The following NXF1 variants were observed in gnomAD, a reference collection of about 807,000 sequenced individuals.
The protein encoded by NXF1 is mRNA export factor TAP.
Under a neutral mutation model 92.4 loss-of-function variants are expected in NXF1, and 43 were observed. The ratio of observed to expected loss-of-function variants is 0.47; its 90% CI spans 0.36 to 0.60. The LOEUF (loss-of-function observed/expected upper bound fraction) is 0.60. Ranked by LOEUF, NXF1 falls within the 20% of genes least tolerant of loss-of-function variation. The probability of loss-of-function intolerance (pLI) is 0.00; values close to 1 mark genes in which losing one functional copy is unlikely to be tolerated. For missense variants in NXF1, 576 were observed against 793.0 expected, an observed-to-expected ratio of 0.73 and a Z score of 3.29; for synonymous variants, 288 against 292.2, an observed-to-expected ratio of 0.99 and a Z score of 0.15.
At chr11:62,793,471 G>A (rs2084388083) in intron 19 of NXF1, among the ~76,000 whole-genome samples, 2 of 152,130 alleles carry the variant, frequency 1.3e-5, no homozygotes, top group African/African-American at 4.8e-5. Context: ...CAGCACTTTG[G>A]GAGGCCTAGG....
At chr11:62,797,449 C>G in intron 11 of NXF1, 63 bp from the exon 12 acceptor site, 1 of 1,472,410 alleles carries the variant, frequency 6.8e-7, no homozygotes, top group Non-Finnish European at 9.3e-7. Flanking sequence ...CCTGTGATCC[C>G]AGAACTTTGG....
chr11:62,792,505 C>T lies in NXF1; in HGVS notation c.1831G>A (p.Glu611Lys), dbSNP rs531151039. 3 of 1,614,234 alleles carry T rather than the reference C, an allele frequency of 1.9e-6. No homozygotes were observed. The highest frequency in any genetic ancestry group is 1.1e-5 in the South Asian group (1 of 91,086). ...QAFTHLKAKG[E>K]IPEVAFMK ...TTCATGAATGCCACTTCTGGGATCT[C>T]GCCCTTGGCCTGGAGAAAAATGAAG... The change falls in exon 21 of 21, where the codon GAG (glutamate) becomes AAG (lysine). Residue 611 changes from glutamate to lysine, a missense_variant. This residue lies in a region of NXF1 where 425 missense variants were observed against 635.2 expected (regional missense o/e 0.67). Coordinates refer to ENST00000294172, the MANE Select transcript of NXF1 (RefSeq NM_006362.5).
chr11:62,798,367 G>A (rs1320698478), intron 11 of NXF1, among the ~76,000 whole-genome samples, 172 bp downstream of exon 11: 1 of 151,796 alleles, frequency 6.6e-6, no homozygotes, highest in Non-Finnish European at 1.5e-5. Context: ...CTGGGAGGCA[G>A]AGGTTGCGGT....
At chr11:62,800,594 T>C (rs550766594) in intron 9 of NXF1, 108 bp from the exon 10 acceptor site, 166 of 683,006 alleles carry the variant, frequency 2.4e-4, no homozygotes, top group African/African-American at 2.1e-3. Flanking sequence ...TCTAATCTTT[T>C]AAAATTTTTT....
chr11:62,798,474 C>G, intron 11 of NXF1, 65 bp downstream of exon 11: 2 of 1,562,200 alleles, frequency 1.3e-6, no homozygotes, highest in Non-Finnish European at 1.7e-6. Flanking sequence ...AAAAAGAAAC[C>G]TATCCAGGAA....
intron 11 of NXF1, 129 bp downstream of exon 11, chr11:62,798,410 G>A: frequency 7.3e-7 from 1 of 1,364,648 alleles, no homozygotes; most frequent in Non-Finnish European, 9.7e-7. Context: ...CTCCAGCCTG[G>A]GCGACGAGTG....
At chr11:62,793,240 C>T (rs986302201) in intron 19 of NXF1, among the ~76,000 whole-genome samples, 14 of 152,242 alleles carry the variant, frequency 9.2e-5, no homozygotes, top group South Asian at 4.1e-4. Flanking sequence ...CGCCAAGCCC[C>T]GCTAATTTTT....
chr11:62,798,897 A>G, intron 10 of NXF1: 1 of 1,137,996 alleles, frequency 8.8e-7, no homozygotes, highest in South Asian at 3.1e-5. Context: ...TCACCTGTGC[A>G]GCCCCGGGAG....
intron 9 of NXF1, among the ~76,000 whole-genome samples, chr11:62,800,725 C>T (rs1033539607): frequency 1.3e-5 from 2 of 151,862 alleles, no homozygotes; most frequent in Non-Finnish European, 1.5e-5. Flanking sequence ...ACCTCAGACT[C>T]CTGGGTAGCT....
At chr11:62,798,898 GC>G (rs1432756230) in intron 10 of NXF1, 3 of 1,135,270 alleles carry the variant, frequency 2.6e-6, no homozygotes, top group Admixed American at 9.0e-5. Context: ...CACCTGTGCA[GC>G]CCCGGGAGGA....
intron 3 of NXF1, 125 bp downstream of exon 3, chr11:62,803,293 GT>G: frequency 1.3e-6 from 1 of 764,846 alleles, no homozygotes; most frequent in South Asian, 2.1e-5. Context: ...TCCAGCCTGG[GT>G]GACAGAGCAA....
Position 62,800,381 on chromosome 11 carries a change from T to C in NXF1, c.1012A>G (p.Ile338Val). The C allele has an allele frequency of 6.2e-7, 1 of 1,614,070 alleles. No homozygotes were observed. The highest frequency in any genetic ancestry group is 8.5e-7 in the Non-Finnish European group (1 of 1,179,970). Residue 338 changes from isoleucine (I) to valine (V), a missense_variant, in exon 10 of 21, where the codon ATC (isoleucine) becomes GTC (valine). Physicochemically the swap from Ile to Val is conservative, Grantham distance 29. This residue lies in a region of NXF1 where 425 missense variants were observed against 635.2 expected (regional missense o/e 0.67). Transcript: ENST00000294172. ...GAGACACAGGCTACAACTGACCTGA[T>C]GTAGGTGGACTGGTCTCGGAAGGTG... ...CDTFRDQSTY[I>V]SAIRERFPKL...
intron 19 of NXF1, 79 bp from the exon 20 acceptor site, chr11:62,792,780 CAA>C: frequency 7.7e-7 from 1 of 1,305,304 alleles, no homozygotes; most frequent in Non-Finnish European, 1.1e-6. Flanking sequence ...TAAAAGCACC[CAA>C]GTTTGCCAAC....
At chr11:62,805,296 TAGCC>T in intron 1 of NXF1, 29 bp downstream of exon 1, 1 of 1,590,050 alleles carries the variant, frequency 6.3e-7, no homozygotes, top group Non-Finnish European at 8.6e-7. Context: ...GCGCCCCAGA[TAGCC>T]AGTTCCCGAC....
intron 1 of NXF1, chr11:62,804,187 G>A: frequency 6.6e-7 from 1 of 1,523,114 alleles, no homozygotes; most frequent in East Asian, 2.5e-5. Context: ...AACTGTGTAG[G>A]GCTTTTGAAA....
chr11:62,800,298 G>T, intron 10 of NXF1, 79 bp downstream of exon 10: 1 of 1,601,882 alleles, frequency 6.2e-7, no homozygotes, highest in South Asian at 1.1e-5. Flanking sequence ...CTCCGCAGAC[G>T]GGCCCTGGTC....
At chr11:62,798,871 C>G (rs933414917) in intron 10 of NXF1, 2 of 1,227,874 alleles carry the variant, frequency 1.6e-6, no homozygotes, top group African/African-American at 3.1e-5. Flanking sequence ...CCCTGCCCCC[C>G]TTACCTTCCA....
At chr11:62,801,539 A>G (rs199977893) in intron 7 of NXF1, 23 bp downstream of exon 7, 47 of 1,613,380 alleles carry the variant, frequency 2.9e-5, no homozygotes, top group Non-Finnish European at 4.0e-5. Flanking sequence ...CACCTATCTG[A>G]GAACTACTGC....
chr11:62,798,946 A>G (rs2084449635), intron 10 of NXF1: 2 of 1,062,974 alleles, frequency 1.9e-6, no homozygotes, highest in Non-Finnish European at 2.3e-6. Context: ...CCGCTGCCTC[A>G]CCAGGTATCC....
Sources: gnomAD v4.1 joint callset for allele counts (sites outside exome capture counted in the v4.1 genomes callset) on GRCh38, gnomAD v4.1.1 for gene constraint, gnomAD v4.1.1 regional missense constraint, MANE v1.5 for transcripts, NCBI Gene and HGNC (gene_info 2026-07-23, HGNC 2026-07-21) for gene names.